KCNH7: variants seen among roughly 807,000 people sequenced by gnomAD.
KCNH7 encodes potassium voltage-gated channel subfamily H member 7.
In KCNH7, 49 loss-of-function variants were observed where a neutral mutation model predicts 120.8. That is an observed-to-expected ratio of 0.41 (90% CI 0.32 to 0.51). The LOEUF is 0.51. KCNH7 is among the 20% of genes least tolerant of loss of function. The pLI, the probability that KCNH7 is intolerant of heterozygous loss-of-function variation, is 0.38. For missense variants in KCNH7, 1,097 were observed against 1,446.6 expected (o/e 0.76, Z 3.92); for synonymous variants, 547 against 516.1 (o/e 1.06, Z -0.81).
intron 2 of KCNH7, among the ~76,000 whole-genome samples, chr2:162,546,516 G>A (rs1692483467): frequency 6.6e-6 from 1 of 152,254 alleles, no homozygotes; most frequent in East Asian, 1.9e-4. Flanking sequence ...GCCATAGTAA[G>A]TGCACACGAT....
chr2:162,617,364 A>T (rs1026934188), intron 2 of KCNH7, among the ~76,000 whole-genome samples: 2 of 152,158 alleles, frequency 1.3e-5, no homozygotes, highest in African/African-American at 4.8e-5. Context: ...CTGTAGTCCC[A>T]GCTACTCAGG....
chr2:162,556,348 G>T (rs1692855334), intron 2 of KCNH7, among the ~76,000 whole-genome samples: 1 of 152,016 alleles, frequency 6.6e-6, no homozygotes, highest in South Asian at 2.1e-4. Context: ...TATTATACAT[G>T]AAACCAAATT....
intron 2 of KCNH7, among the ~76,000 whole-genome samples, chr2:162,824,677 T>C (rs767933805): frequency 4.9e-4 from 74 of 152,128 alleles, no homozygotes; most frequent in Non-Finnish European, 9.3e-4. Context: ...ATTCTGTTGC[T>C]TATATCTTTC....
intron 3 of KCNH7, among the ~76,000 whole-genome samples, chr2:162,530,411 T>A (rs908891558): frequency 6.6e-6 from 1 of 152,004 alleles, no homozygotes; most frequent in Non-Finnish European, 1.5e-5. Flanking sequence ...ACAACCTTTT[T>A]CTTATTACTG....
intron 6 of KCNH7, among the ~76,000 whole-genome samples, chr2:162,466,708 G>A (rs1689317862): frequency 6.6e-6 from 1 of 152,128 alleles, no homozygotes; most frequent in Non-Finnish European, 1.5e-5. Flanking sequence ...AACTTGTTTG[G>A]TTGCTTTTTT....
At chr2:162,600,630 C>T (rs1464621285) in intron 2 of KCNH7, among the ~76,000 whole-genome samples, 2 of 152,112 alleles carry the variant, frequency 1.3e-5, no homozygotes, top group African/African-American at 4.8e-5. Flanking sequence ...AACAGATCTA[C>T]ATACATGTTT....
At chr2:162,603,994 A>T (rs1265424062) in intron 2 of KCNH7, among the ~76,000 whole-genome samples, 4 of 152,158 alleles carry the variant, frequency 2.6e-5, no homozygotes, top group Non-Finnish European at 4.4e-5. Flanking sequence ...AACTTCAATT[A>T]CTAAGGAAAC....
intron 2 of KCNH7, among the ~76,000 whole-genome samples, chr2:162,707,120 T>A (rs993029847): frequency 1.7e-4 from 26 of 152,262 alleles, no homozygotes; most frequent in African/African-American, 5.8e-4. Flanking sequence ...ATTTGGAAAG[T>A]AAAGAAAGAC....
intron 2 of KCNH7, among the ~76,000 whole-genome samples, chr2:162,610,249 C>A (rs1277427247): frequency 1.3e-5 from 2 of 152,128 alleles, no homozygotes; most frequent in East Asian, 1.9e-4. Flanking sequence ...GGCAGGCAAG[C>A]CTCACCTGAA....
intron 2 of KCNH7, among the ~76,000 whole-genome samples, chr2:162,764,376 T>C (rs1234887830): frequency 1.3e-5 from 2 of 152,170 alleles, no homozygotes; most frequent in African/African-American, 2.4e-5. Context: ...CAAGGAGATA[T>C]GCCTTCTCTC....
At chr2:162,637,721 T>TA (rs571880789) in intron 2 of KCNH7, among the ~76,000 whole-genome samples, 1 of 151,962 alleles carries the variant, frequency 6.6e-6, no homozygotes, top group Non-Finnish European at 1.5e-5. Context: ...CAATTTTGAT[T>TA]AAAAAAACAA....
At chr2:162,612,075 G>A (rs1415071156) in intron 2 of KCNH7, among the ~76,000 whole-genome samples, 1 of 152,110 alleles carries the variant, frequency 6.6e-6, no homozygotes, top group African/African-American at 2.4e-5. Context: ...CCCTATGAAT[G>A]CAAAAGACCT....
At chr2:162,527,716 T>G (rs1262641701) in intron 3 of KCNH7, among the ~76,000 whole-genome samples, 1 of 152,016 alleles carries the variant, frequency 6.6e-6, no homozygotes, top group East Asian at 1.9e-4. Context: ...AGTAAAATCC[T>G]CTTTGATTTG....
chr2:162,652,698 G>A (rs1435005), intron 2 of KCNH7, among the ~76,000 whole-genome samples: 37,226 of 152,022 alleles, frequency 0.24, 7,120 homozygotes, highest in African/African-American at 0.52. Context: ...AACAGGCCAC[G>A]GACTGTCACT....
chr2:162,484,248 C>CACAA (rs1333669546), intron 6 of KCNH7, among the ~76,000 whole-genome samples: 1 of 148,824 alleles, frequency 6.7e-6, no homozygotes, highest in South Asian at 2.1e-4. Flanking sequence ...CACACACACA[C>CACAA]AGAGAGACAC....
At chr2:162,408,651 C>G (rs1208179142) in intron 9 of KCNH7, among the ~76,000 whole-genome samples, 1 of 151,808 alleles carries the variant, frequency 6.6e-6, no homozygotes, top group African/African-American at 2.4e-5. Flanking sequence ...CCCTGCCTAT[C>G]CCAACTATAA....
At chr2:162,776,974 T>C (rs975540598) in intron 2 of KCNH7, among the ~76,000 whole-genome samples, 1 of 152,158 alleles carries the variant, frequency 6.6e-6, no homozygotes, top group Admixed American at 6.5e-5. Flanking sequence ...CTTTCCCTGT[T>C]CTCAATTCTT....
intron 8 of KCNH7, among the ~76,000 whole-genome samples, chr2:162,430,508 G>A (rs977904001): frequency 1.3e-5 from 2 of 152,040 alleles, no homozygotes; most frequent in Non-Finnish European, 2.9e-5. Context: ...GGTCTGCTTA[G>A]GTTATTTCTC....
intron 2 of KCNH7, among the ~76,000 whole-genome samples, chr2:162,740,615 A>G (rs771387112): frequency 1.5e-4 from 23 of 152,328 alleles, no homozygotes; most frequent in Admixed American, 2.6e-4. Flanking sequence ...TGATGTTTCA[A>G]TAGAAATCAA....
Sources: allele counts gnomAD v4.1 joint callset (sites outside exome capture counted in the v4.1 genomes callset), GRCh38; gene constraint gnomAD v4.1.1; transcripts MANE v1.5; gene names NCBI Gene and HGNC (gene_info 2026-07-23, HGNC 2026-07-21).